MYH9: variants seen among roughly 807,000 people sequenced by gnomAD.
MYH9 encodes the protein myosin heavy chain 9.
In MYH9, 29 loss-of-function variants were observed where a neutral mutation model predicts 241.9. That is an observed-to-expected ratio of 0.12 (90% CI 0.09 to 0.16). MYH9 has a LOEUF of 0.16. MYH9 is among the 10% of genes least tolerant of loss of function. The pLI, the probability that MYH9 is intolerant of heterozygous loss-of-function variation, is 1.00. For synonymous variants in MYH9, 1,047 were observed against 1,062.6 expected, an observed-to-expected ratio of 0.99 and a Z score of 0.29; for missense variants, 1,803 against 2,595.5, an observed-to-expected ratio of 0.69 and a Z score of 6.63.
At chr22:36,311,930 A>C in intron 14 of MYH9, 119 bp downstream of exon 14, 1 of 1,196,088 alleles carries the variant, frequency 8.4e-7, no homozygotes, top group Non-Finnish European at 1.2e-6. Context: ...TTGTGCAAGA[A>C]CCGTACTCAG....
intron 1 of MYH9, among the ~76,000 whole-genome samples, chr22:36,378,825 C>CA (rs112172884): frequency 1.4e-4 from 21 of 150,148 alleles, no homozygotes; most frequent in South Asian, 4.2e-4. Flanking sequence ...GCATAAACAT[C>CA]AAAAAAAAAG....
chr22:36,286,971 AAC>A, intron 34 of MYH9, 125 bp from the exon 35 acceptor site: 1 of 1,429,230 alleles, frequency 7.0e-7, no homozygotes, highest in Admixed American at 1.8e-5. Flanking sequence ...TTAACCAACT[AAC>A]CGTGGTGACA....
chr22:36,311,072 ATCTCC>A (rs1228704968), intron 14 of MYH9, among the ~76,000 whole-genome samples: 1 of 152,184 alleles, frequency 6.6e-6, no homozygotes, highest in Non-Finnish European at 1.5e-5. Context: ...AAGCTCCCAC[ATCTCC>A]TCGCCAGTCA....
At position 36,282,333 on chromosome 22, in the gene MYH9, CTCCCCGGGGGCCTGCCCT is replaced by C. The variant is rs2016503726; in HGVS notation, c.*317_*334del. On this transcript the variant is annotated 3_prime_UTR_variant, in exon 41 of 41. Coordinates refer to ENST00000216181, the MANE Select transcript of MYH9 (RefSeq NM_002473.6). ...ATAGATTCATAGAAAACTCTGGCCC[CTCCCCGGGGGCCTGCCCT>C]GCTCGCCTCAACATCTTGTGCTTTT... 4.2e-6 allele frequency: 2 copies of C among 474,870 alleles called. No homozygotes were observed. The highest frequency in any genetic ancestry group is 5.3e-5 in the South Asian group (2 of 37,386). 29.4% of individuals were successfully genotyped at this position (474,870 alleles called of 1,614,324 possible).
At chr22:36,387,602 C>T (rs973406835) in intron 1 of MYH9, among the ~76,000 whole-genome samples, 1 of 151,558 alleles carries the variant, frequency 6.6e-6, no homozygotes, top group Non-Finnish European at 1.5e-5. Flanking sequence ...CTGCCGGCGC[C>T]CTCCCCGAGC....
In MYH9 at chr22:36,293,781, T is replaced by A; in HGVS notation, c.3920A>T (p.Glu1307Val). The change falls in exon 29 of 41, where the codon GAG (glutamate) becomes GTG (valine). Residue 1307 changes from glutamate (E) to valine (V), a missense_variant. Glu to Val is a moderately radical substitution (Grantham distance 121, BLOSUM62 -2). Around this residue, in one of 11 missense-constraint regions of MYH9, gnomAD observed 876 missense variants for 1,077.8 expected, o/e 0.81. Transcript: ENST00000216181. This position sits in a 1 kb window ranked among gnomAD's most constrained non-coding sequence, Gnocchi z 5.1. The stretch of plus-strand genomic sequence containing the variant: ...TACCTGAGTGTCCTGCAGCTGGGAC[T>A]CCAGCGCGGAGAAGTCCTTGGTGAG... ...SKLTKDFSAL[E>V]SQLQDTQELL... 6.2e-7 allele frequency: 1 copy of A among 1,613,922 alleles called. No homozygotes were observed. Among genetic ancestry groups the A allele is most frequent in the Non-Finnish European group, 8.5e-7 (1 of 1,180,006 alleles).
In MYH9 at chr22:36,348,917, G is replaced by GAGT; in HGVS notation, c.317_319dup (p.Tyr106dup). ...GCAGCCACTTACGTAGATGAGCCCT[G>GAGT]AGTAGTAACGCTCCTTGAGGTTGTG... On this transcript the variant is annotated inframe_insertion, in exon 2 of 41. Transcript: ENST00000216181. 1 of 1,610,306 alleles carries GAGT rather than the reference G, an allele frequency of 6.2e-7. No homozygotes were observed. The highest frequency in any genetic ancestry group is 8.5e-7 in the Non-Finnish European group (1 of 1,178,718).
intron 40 of MYH9, among the ~76,000 whole-genome samples, chr22:36,283,561 A>C (rs2016528255): frequency 6.6e-6 from 1 of 150,682 alleles, no homozygotes; most frequent in Non-Finnish European, 1.5e-5. Context: ...AAAAAAAATA[A>C]AAAAAACACG....
At chr22:36,344,297 C>T (rs1260527491) in intron 2 of MYH9, among the ~76,000 whole-genome samples, 2 of 151,572 alleles carry the variant, frequency 1.3e-5, no homozygotes, top group African/African-American at 2.5e-5. Context: ...CGCCCCCATC[C>T]CAGGGCCTCA....
intron 6 of MYH9, 84 bp downstream of exon 6, chr22:36,322,345 G>A: frequency 7.0e-7 from 1 of 1,434,838 alleles, no homozygotes; most frequent in East Asian, 2.3e-5. Flanking sequence ...TTTGAGGGGA[G>A]GGCACCCAGG....
chr22:36,334,471 T>C (rs924522801), intron 3 of MYH9, among the ~76,000 whole-genome samples: 1 of 152,236 alleles, frequency 6.6e-6, no homozygotes. Context: ...AGGCCTCAGC[T>C]CTGCGTGGAC....
intron 2 of MYH9, among the ~76,000 whole-genome samples, chr22:36,345,504 G>T (rs2146388897): frequency 6.6e-6 from 1 of 152,028 alleles, no homozygotes; most frequent in South Asian, 2.1e-4. Flanking sequence ...CAGCAGAGTG[G>T]GTGTGACATA....
intron 2 of MYH9, among the ~76,000 whole-genome samples, chr22:36,341,815 G>A (rs1472543510): frequency 6.6e-6 from 1 of 152,202 alleles, no homozygotes; most frequent in East Asian, 1.9e-4. Context: ...CAAGGTCCGC[G>A]GCCAAGCAGA....
chr22:36,365,505 C>T (rs2017997328), intron 1 of MYH9, among the ~76,000 whole-genome samples: 1 of 152,068 alleles, frequency 6.6e-6, no homozygotes, highest in African/African-American at 2.4e-5. Context: ...GTCTCACCGT[C>T]GCCCAGGCTG....
intron 10 of MYH9, 131 bp from the exon 11 acceptor site, chr22:36,318,456 T>C: frequency 2.5e-6 from 2 of 793,162 alleles, no homozygotes; most frequent in South Asian, 2.7e-5. Context: ...AGCCACGGGG[T>C]GAATGAGCAA....
intron 1 of MYH9, among the ~76,000 whole-genome samples, chr22:36,354,415 T>C (rs1436321096): frequency 6.6e-6 from 1 of 150,396 alleles, no homozygotes; most frequent in African/African-American, 2.5e-5. Context: ...GGACCACTTA[T>C]AAGGTTTTTT....
chr22:36,386,352 TAGC>T (rs1354278852), intron 1 of MYH9, among the ~76,000 whole-genome samples: 1 of 150,568 alleles, frequency 6.6e-6, no homozygotes, highest in Non-Finnish European at 1.5e-5. Flanking sequence ...CCCCCACACA[TAGC>T]AGCCTTGTAT....
intron 1 of MYH9, among the ~76,000 whole-genome samples, chr22:36,371,926 T>C (rs1396898646): frequency 6.6e-6 from 1 of 152,010 alleles, no homozygotes; most frequent in African/African-American, 2.4e-5. Context: ...TAAGTATGTT[T>C]GATTATTGTT....
chr22:36,301,461 G>A (rs1569535221), intron 21 of MYH9, 73 bp downstream of exon 21: 1 of 1,594,874 alleles, frequency 6.3e-7, no homozygotes, highest in East Asian at 2.2e-5. Flanking sequence ...AGCATGCCGT[G>A]CCTACCGATG....
Sources: allele counts gnomAD v4.1 joint callset (sites outside exome capture counted in the v4.1 genomes callset), GRCh38; gene constraint gnomAD v4.1.1; regional missense constraint gnomAD v4.1.1; non-coding constraint Gnocchi (gnomAD v3.1); transcripts MANE v1.5; gene names NCBI Gene and HGNC (gene_info 2026-07-23, HGNC 2026-07-21).